The following NSMAF variants were observed in gnomAD, a reference collection of about 807,000 sequenced individuals.
NSMAF encodes the protein protein FAN.
NSMAF carries 90 observed loss-of-function variants against 134.9 expected under a neutral mutation model. That is an observed-to-expected ratio of 0.67 (90% CI 0.56 to 0.79). The LOEUF is 0.79. NSMAF is among the 30% of genes least tolerant of loss of function. The pLI, the probability that NSMAF is intolerant of heterozygous loss-of-function variation, is 0.00. For synonymous variants in NSMAF, 358 were observed against 389.6 expected, an observed-to-expected ratio of 0.92 and a Z score of 0.96; for missense variants, 1,010 against 1,119.0, an observed-to-expected ratio of 0.90 and a Z score of 1.39.
At chr8:58,608,031 C>A (rs1223397069) in intron 10 of NSMAF, among the ~76,000 whole-genome samples, 191 bp from the exon 11 acceptor site, 1 of 152,228 alleles carries the variant, frequency 6.6e-6, no homozygotes, top group Non-Finnish European at 1.5e-5. Context: ...AGCTTTATGA[C>A]CTTGGGCAAG....
At chr8:58,596,842 G>A (rs891761339) in intron 21 of NSMAF, among the ~76,000 whole-genome samples, 5 of 151,800 alleles carry the variant, frequency 3.3e-5, no homozygotes, top group South Asian at 2.1e-4. Flanking sequence ...GCAGGAGAAC[G>A]GCGGCGTGAA....
Position 58,608,930 on chromosome 8 carries a change from T to C in NSMAF, c.687+674A>G, listed in dbSNP as rs1169971784. Among the ~76,000 whole-genome samples, 6 of 152,244 alleles carry C rather than the reference T, an allele frequency of 3.9e-5. 1 individual carries two copies. The South Asian group carries it at 6.2e-4, about 16-fold the overall frequency. On this transcript the variant is annotated intron_variant, in intron 10 of 30. Transcript: ENST00000038176. ...TGTGTTAGGATTTCTGTTCTTTTAA[T>C]GGATCATGCTAAAAAGTGGCCAGAT...
In NSMAF at chr8:58,597,128, C is replaced by G. The variant is rs141322725; in HGVS notation, c.1792+259G>C. ...CCACAGAAGAGAAAGAGAACCACAT[C>G]AAAACATATATGGCCAACTTTCACT... On this transcript the variant is annotated intron_variant, in intron 21 of 30. Transcript: ENST00000038176. Among the ~76,000 whole-genome samples the G allele has an allele frequency of 2.3e-4, 35 of 152,176 alleles. No homozygotes were observed. The East Asian group carries it at 6.4e-3, about 28-fold the overall frequency.
rs1469975185 is a variant in NSMAF, at chr8:58,602,033, A to G, written c.1125+25T>C. On this transcript the variant is annotated intron_variant, in intron 14 of 30. Transcript: ENST00000038176. ...CCATGGCTTCTCGTGTTGCTTAGAAACCAAGAATCTCTAAGTCCACATACC... is the reference window on the plus strand; with the variant it reads ...CCATGGCTTCTCGTGTTGCTTAGAAGCCAAGAATCTCTAAGTCCACATACC... 9 of 1,583,634 alleles carry G rather than the reference A, an allele frequency of 5.7e-6. No individual in the cohort carries two copies. In the East Asian group the frequency reaches 2.0e-4, roughly 36 times the overall value.
intron 5 of NSMAF, among the ~76,000 whole-genome samples, chr8:58,633,075 C>A (rs777416994): frequency 6.6e-6 from 1 of 152,212 alleles, no homozygotes; most frequent in Non-Finnish European, 1.5e-5. Flanking sequence ...GTGTTCTCTA[C>A]CCAGCCCCCA....
chr8:58,658,594 G>GT (rs1238598402), intron 1 of NSMAF, among the ~76,000 whole-genome samples: 2 of 152,182 alleles, frequency 1.3e-5, no homozygotes, highest in Non-Finnish European at 2.9e-5. Context: ...ATGAGACAAC[G>GT]TGACAGGCTA....
Position 58,631,668 on chromosome 8 carries a change from C to A in NSMAF, c.334-122G>T, listed in dbSNP as rs773375588. On this transcript the variant is annotated intron_variant, in intron 5 of 30. Transcript: ENST00000038176. ...ATCATTGTTATATAATCTCTATTTC[C>A]AGAAGTATTTGCTTTAGTATTAGTA... 4.0e-5 allele frequency: 21 copies of A among 529,458 alleles called. No homozygotes were observed. In the Admixed American group the frequency reaches 5.0e-4, roughly 13 times the overall value. The allele number at this position is 529,458 out of a possible 1,614,324, so 32.8% of individuals were successfully genotyped here. A position where few individuals can be genotyped will look rare whatever the true frequency, so the allele number is the denominator to read the frequency against.
chr8:58,609,816 A>G, intron 9 of NSMAF, 83 bp from the exon 10 acceptor site: 1 of 1,274,586 alleles, frequency 7.8e-7, no homozygotes, highest in East Asian at 2.4e-5. Flanking sequence ...CTACAGTGTG[A>G]CTTTCTATGA....
chr8:58,602,952 G>A (rs1806318481), intron 13 of NSMAF, among the ~76,000 whole-genome samples: 2 of 152,208 alleles, frequency 1.3e-5, no homozygotes, highest in South Asian at 4.1e-4. Flanking sequence ...GATAACCCTG[G>A]GTTAAAATCA....
chr8:58,627,854 C>A (rs1030741094), intron 6 of NSMAF, among the ~76,000 whole-genome samples: 1 of 151,962 alleles, frequency 6.6e-6, no homozygotes, highest in Non-Finnish European at 1.5e-5. Context: ...CACAGAACTC[C>A]CATCAAAATA....
At chr8:58,640,924 T>C (rs1447724753) in intron 2 of NSMAF, among the ~76,000 whole-genome samples, 1 of 152,092 alleles carries the variant, frequency 6.6e-6, no homozygotes, top group Non-Finnish European at 1.5e-5. Flanking sequence ...TTTTATTTAT[T>C]GATTGATTTA....
intron 9 of NSMAF, 101 bp downstream of exon 9, chr8:58,623,119 G>T: frequency 1.1e-6 from 1 of 887,720 alleles, no homozygotes; most frequent in Non-Finnish European, 1.8e-6. Flanking sequence ...GCAGGTTTTG[G>T]GTGAGACCAA....
At chr8:58,617,382 A>C (rs1179851344) in intron 9 of NSMAF, among the ~76,000 whole-genome samples, 1 of 152,238 alleles carries the variant, frequency 6.6e-6, no homozygotes, top group African/African-American at 2.4e-5. Context: ...CAACCTACAG[A>C]ATGGGAGAAA....
intron 6 of NSMAF, among the ~76,000 whole-genome samples, chr8:58,630,791 C>T (rs1388971594): frequency 1.3e-5 from 2 of 152,180 alleles, no homozygotes; most frequent in East Asian, 3.8e-4. Flanking sequence ...TTTGTGCCGC[C>T]TAAGAGATTG....
chr8:58,623,093 C>A, intron 9 of NSMAF, 127 bp downstream of exon 9: 1 of 712,636 alleles, frequency 1.4e-6, no homozygotes, highest in East Asian at 2.5e-5. Flanking sequence ...TGAGGCTGAG[C>A]CATTCTCTAA....
rs773355888 is a variant in NSMAF, at chr8:58,599,814, C to A, written c.1389G>T (p.Leu463Phe). ...DVSFLVNSLK[L>F]DLGKRQGGQM... ...GTCCTCCTTGTCTCTTTCCCAAATC[C>A]AACTTCAGGCTATTGACTAGAAAGC... is the stretch of plus-strand genomic sequence containing the variant. Residue 463 changes from leucine to phenylalanine, a missense_variant, in exon 18 of 31, where the codon TTG becomes TTT. Transcript: ENST00000038176. 1.9e-5 allele frequency: 31 copies of A among 1,614,030 alleles called. No homozygotes were observed. Among genetic ancestry groups the A allele is most frequent in the Non-Finnish European group, 2.6e-5 (31 of 1,180,018 alleles).
rs753671842 is a variant in NSMAF at position 58,643,113 on chromosome 8, T to C, written c.60-40A>G. The C allele has an allele frequency of 1.6e-5, 23 of 1,453,328 alleles. No homozygotes were observed. The South Asian group carries it at 2.6e-4, about 17-fold the overall frequency. 90.0% of individuals were successfully genotyped at this position (1,453,328 alleles called of 1,614,324 possible). A position where few individuals can be genotyped will look rare whatever the true frequency, so the allele number is the denominator to read the frequency against. Reference sequence around the variant, plus strand: ...AAAAAACAACTTTCAGTTTATTTTTTAGTAAGTATAAGAAGGCAATATATT... The same window carrying C: ...AAAAAACAACTTTCAGTTTATTTTTCAGTAAGTATAAGAAGGCAATATATT... On this transcript the variant is annotated intron_variant, in intron 1 of 30. Coordinates refer to ENST00000038176, the MANE Select transcript of NSMAF (RefSeq NM_003580.4).
chr8:58,601,545 A>AT lies in NSMAF; in HGVS notation c.1126-11_1126-10insA. 1 of 1,538,860 alleles carries AT rather than the reference A, an allele frequency of 6.5e-7. No homozygotes were observed. Among genetic ancestry groups the AT allele is most frequent in the Non-Finnish European group, 8.7e-7 (1 of 1,155,350 alleles). ...TTTCCTGGTAGCGTGTCTAGAATAC[A>AT]GAAAAAAAAAAAAAATAGAGCTAAG... On this transcript the variant is annotated splice_polypyrimidine_tract_variant and intron_variant, in intron 14 of 30. Transcript: ENST00000038176.
At chr8:58,590,138 GCTA>G in intron 24 of NSMAF, 64 bp from the exon 25 acceptor site, 2 of 1,412,466 alleles carry the variant, frequency 1.4e-6, no homozygotes, top group Non-Finnish European at 2.0e-6. Context: ...ACACAGTAAA[GCTA>G]TCTTATACAT....
Sources: gnomAD v4.1 joint callset for allele counts (sites outside exome capture counted in the v4.1 genomes callset) on GRCh38, gnomAD v4.1.1 for gene constraint, MANE v1.5 for transcripts, NCBI Gene and HGNC (gene_info 2026-07-23, HGNC 2026-07-21) for gene names.